The following MPRIP variants were observed in gnomAD, a reference collection of about 807,000 sequenced individuals.
MPRIP encodes myosin phosphatase Rho interacting protein.
Under a neutral mutation model 234.9 loss-of-function variants are expected in MPRIP, and 59 were observed. That is an observed-to-expected ratio of 0.25 (90% CI 0.20 to 0.31). MPRIP has a LOEUF of 0.31. Ranked by LOEUF, MPRIP falls within the 10% of genes least tolerant of loss-of-function variation. The probability of loss-of-function intolerance (pLI) is 1.00; values close to 1 mark genes in which losing one functional copy is unlikely to be tolerated. For synonymous variants in MPRIP, 1,144 were observed against 1,263.9 expected, an observed-to-expected ratio of 0.91 and a Z score of 2.01; for missense variants, 2,436 against 3,071.0, an observed-to-expected ratio of 0.79 and a Z score of 4.89.
chr17:17,124,767 A>G (rs1314128897), intron 3 of MPRIP, among the ~76,000 whole-genome samples: 1 of 152,182 alleles, frequency 6.6e-6, no homozygotes, highest in Non-Finnish European at 1.5e-5. Context: ...TGTTGGGCTC[A>G]AGAGGGAAGT....
Position 17,047,284 on chromosome 17 carries a change from A to G in MPRIP, c.123+4313A>G, listed in dbSNP as rs187496362. The stretch of plus-strand genomic sequence containing the variant: ...CCATAGTTTGCTGACCCTGAACTAG[A>G]TATTAATCCGATGCTTGCCACGTAT... On this transcript the variant is annotated intron_variant, in intron 1 of 23. Transcript: ENST00000651222. 3.3e-5 allele frequency among the ~76,000 whole-genome samples: 5 copies of G among 152,336 alleles called. No individual in the cohort carries two copies. The East Asian group carries it at 7.7e-4, about 23-fold the overall frequency.
intron 14 of MPRIP, among the ~76,000 whole-genome samples, chr17:17,160,895 A>C (rs1279557298): frequency 6.6e-6 from 1 of 152,206 alleles, no homozygotes; most frequent in East Asian, 1.9e-4. Flanking sequence ...CCCTTCTCAG[A>C]AATGAACACC....
intron 5 of MPRIP, among the ~76,000 whole-genome samples, chr17:17,134,688 C>G (rs1390233804): frequency 6.6e-6 from 1 of 152,196 alleles, no homozygotes; most frequent in East Asian, 1.9e-4. Context: ...AGGCAGTGCC[C>G]CACCACCCCA....
At chr17:17,114,332 GATTTGCAAGT>G (rs369462836) in intron 3 of MPRIP, among the ~76,000 whole-genome samples, 2,109 of 152,220 alleles carry the variant, frequency 0.014, 39 homozygotes, top group African/African-American at 0.045. Context: ...TCAGATATAT[GATTTGCAAGT>G]ATTCCCTTCC....
chr17:17,098,538 G>T (rs930631873), intron 3 of MPRIP, among the ~76,000 whole-genome samples: 1 of 152,222 alleles, frequency 6.6e-6, no homozygotes, highest in African/African-American at 2.4e-5. Flanking sequence ...GGCTGCCTTT[G>T]TCGGGTCCGG....
intron 3 of MPRIP, among the ~76,000 whole-genome samples, chr17:17,093,045 T>C (rs1169433081): frequency 6.6e-6 from 1 of 152,260 alleles, no homozygotes; most frequent in Non-Finnish European, 1.5e-5. Flanking sequence ...CATAGAAGTC[T>C]AGCCTTAGAG....
Position 17,150,625 on chromosome 17 carries a change from C to G in MPRIP, c.1719+392C>G, listed in dbSNP as rs141797006. 2.4e-3 allele frequency among the ~76,000 whole-genome samples: 347 copies of G among 147,360 alleles called. 1 individual carries two copies. Among genetic ancestry groups the G allele is most frequent in the Middle Eastern group, 0.018 (5 of 280 alleles). On this transcript the variant is annotated intron_variant, in intron 12 of 23. Transcript: ENST00000651222. ...TCACTTATTCATGTGTTTGTTCATT[C>G]ATTTACTTACAAGGCTATTTTTTCC...
At chr17:17,103,545 T>C (rs965155820) in intron 3 of MPRIP, among the ~76,000 whole-genome samples, 5 of 152,216 alleles carry the variant, frequency 3.3e-5, no homozygotes, top group African/African-American at 9.6e-5. Flanking sequence ...CAAAGCAGAT[T>C]TGTTTTTGCA....
In MPRIP at chr17:17,158,349, G is replaced by C. The variant is rs1364935283; in HGVS notation, c.1830-83G>C. On this transcript the variant is annotated intron_variant, in intron 13 of 23. Transcript: ENST00000651222. ...ATGTGGTGCTCACAGGGGCTGGGTT[G>C]TGGCTCAGCATTGCCAGCTTCTGCC... 3.3e-6 allele frequency: 4 copies of C among 1,217,330 alleles called. No homozygotes were observed. In the East Asian group the frequency reaches 9.5e-5, roughly 29 times the overall value. The allele number at this position is 1,217,330 out of a possible 1,614,324, so 75.4% of individuals were successfully genotyped here.
Position 17,185,812 on chromosome 17 carries a change from A to ACT in MPRIP, c.*919_*920insTC, listed in dbSNP as rs979483518. 16 of 320,600 alleles carry ACT rather than the reference A, an allele frequency of 5.0e-5. No individual in the cohort carries two copies. The highest frequency in any genetic ancestry group is 3.3e-4 in the African/African-American group (15 of 45,370). 19.9% of individuals were successfully genotyped at this position (320,600 alleles called of 1,614,324 possible). On this transcript the variant is annotated 3_prime_UTR_variant, in exon 24 of 24. Coordinates refer to ENST00000651222, the MANE Select transcript of MPRIP (RefSeq NM_001364716.4). ...TTGCTTTGGAAAAGGTTGAGAGGAG[A>ACT]CCCCTGTTAAGTCAAGAAGAAAGTA...
chr17:17,171,251 G>C (rs2046127349), intron 16 of MPRIP: 2 of 159,894 alleles, frequency 1.3e-5, no homozygotes, highest in African/African-American at 4.8e-5. Context: ...AATGGCCTTG[G>C]TTCCCTCCAG....
Position 17,165,701 on chromosome 17 carries a change from G to T in MPRIP, c.4110G>T (p.Leu1370=). 4 of 1,305,056 alleles carry T rather than the reference G, an allele frequency of 3.1e-6. No individual in the cohort carries two copies. The highest frequency in any genetic ancestry group is 3.0e-5 in the African/African-American group (2 of 65,996). The allele number at this position is 1,305,056 out of a possible 1,614,324, so 80.8% of individuals were successfully genotyped here. Residue 1370 remains leucine (L), a synonymous_variant, in exon 16 of 24, where the codon CTG becomes CTT. Transcript: ENST00000651222. The stretch of plus-strand genomic sequence containing the variant: ...CCTCAGAGCCTGCACCCAGTGTACT[G>T]CCTGCAACTGGCGACTCTGACACGT... ...SMSSEPAPSV[L]PATGDSDTYL...
intron 1 of MPRIP, among the ~76,000 whole-genome samples, chr17:17,049,123 T>G (rs2088451315): frequency 6.6e-6 from 1 of 152,166 alleles, no homozygotes; most frequent in African/African-American, 2.4e-5. Context: ...ATGTAAAATG[T>G]CCAAAACAGG....
At chr17:17,102,759 C>T (rs1264078679) in intron 3 of MPRIP, among the ~76,000 whole-genome samples, 1 of 152,230 alleles carries the variant, frequency 6.6e-6, no homozygotes, top group African/African-American at 2.4e-5. Context: ...GCAGTTCCAG[C>T]CCAGCTAGTG....
At chr17:17,106,165 C>T (rs933187258) in intron 3 of MPRIP, among the ~76,000 whole-genome samples, 1 of 152,226 alleles carries the variant, frequency 6.6e-6, no homozygotes, top group Non-Finnish European at 1.5e-5. Context: ...GGTGGCCTCA[C>T]CACCATGTCT....
intron 22 of MPRIP, among the ~76,000 whole-genome samples, chr17:17,178,137 G>A (rs1301140293): frequency 6.6e-6 from 1 of 152,040 alleles, no homozygotes; most frequent in Non-Finnish European, 1.5e-5. Flanking sequence ...TGCTCAGACT[G>A]ATCTCAAACT....
At chr17:17,124,304 A>G (rs1451477498) in intron 3 of MPRIP, among the ~76,000 whole-genome samples, 1 of 152,232 alleles carries the variant, frequency 6.6e-6, no homozygotes, top group Non-Finnish European at 1.5e-5. Flanking sequence ...CAGTGGCCTC[A>G]AAGTGGGGTC....
intron 3 of MPRIP, among the ~76,000 whole-genome samples, chr17:17,110,594 C>CT (rs2090149973): frequency 6.6e-6 from 1 of 152,190 alleles, no homozygotes; most frequent in African/African-American, 2.4e-5. Flanking sequence ...AGCAGAGAAA[C>CT]TGACAGGCAC....
chr17:17,137,499 C>T (rs559359758), intron 6 of MPRIP, among the ~76,000 whole-genome samples: 20 of 135,322 alleles, frequency 1.5e-4, no homozygotes, highest in Non-Finnish European at 9.4e-5. Context: ...GGCGACAGAG[C>T]GAGATTGCAT....
Sources: allele counts gnomAD v4.1 joint callset (sites outside exome capture counted in the v4.1 genomes callset), GRCh38; gene constraint gnomAD v4.1.1; transcripts MANE v1.5; gene names NCBI Gene and HGNC (gene_info 2026-07-23, HGNC 2026-07-21).